GAS7: variants seen among roughly 807,000 people sequenced by gnomAD.
The protein encoded by GAS7 is growth arrest-specific protein 7.
Under a neutral mutation model 71.1 loss-of-function variants are expected in GAS7, and 28 were observed. That is an observed-to-expected ratio of 0.39 (90% CI 0.29 to 0.54). The LOEUF (loss-of-function observed/expected upper bound fraction) is 0.54, where lower values mean the gene tolerates loss of function less well. GAS7 is among the 20% of genes least tolerant of loss of function. GAS7 has a pLI of 0.62. For synonymous variants in GAS7, 258 were observed against 245.8 expected (o/e 1.05, Z -0.46); for missense variants, 436 against 627.8 (o/e 0.69, Z 3.27).
At chr17:10,040,120 C>T (rs1322535275) in intron 1 of GAS7, among the ~76,000 whole-genome samples, 2 of 152,120 alleles carry the variant, frequency 1.3e-5, no homozygotes, top group Non-Finnish European at 2.9e-5. Context: ...TCACTTAATC[C>T]CTCTAACAAA....
chr17:10,180,576 G>A (rs1314212204), intron 1 of GAS7, among the ~76,000 whole-genome samples: 1 of 151,990 alleles, frequency 6.6e-6, no homozygotes, highest in Non-Finnish European at 1.5e-5. Context: ...TTTCTCTCCA[G>A]CACGAAATAA....
intron 1 of GAS7, among the ~76,000 whole-genome samples, chr17:10,096,641 G>A (rs1366958417): frequency 1.3e-5 from 2 of 152,176 alleles, no homozygotes; most frequent in African/African-American, 4.8e-5. Flanking sequence ...AGTCAATTCA[G>A]AACCAGCACC....
At chr17:10,110,784 T>C (rs1046864695) in intron 1 of GAS7, among the ~76,000 whole-genome samples, 1 of 152,188 alleles carries the variant, frequency 6.6e-6, no homozygotes, top group African/African-American at 2.4e-5. Flanking sequence ...AAGATACAAG[T>C]TCTAAAGTTG....
chr17:10,096,765 C>T (rs906256812), intron 1 of GAS7, among the ~76,000 whole-genome samples: 2 of 152,248 alleles, frequency 1.3e-5, no homozygotes, highest in Non-Finnish European at 2.9e-5. Flanking sequence ...CAGCTTCCAA[C>T]GTGCAGCTCA....
At chr17:9,980,179 G>T (rs2070361629) in intron 3 of GAS7, among the ~76,000 whole-genome samples, 1 of 152,126 alleles carries the variant, frequency 6.6e-6, no homozygotes, top group Non-Finnish European at 1.5e-5. Context: ...TTTTCTAGAG[G>T]TAATATTTTC....
At chr17:9,948,060 G>C (rs576956581) in intron 5 of GAS7, among the ~76,000 whole-genome samples, 3 of 152,200 alleles carry the variant, frequency 2.0e-5, no homozygotes, top group African/African-American at 7.2e-5. Context: ...TAAGAATACA[G>C]TGTATAATAC....
intron 1 of GAS7, among the ~76,000 whole-genome samples, chr17:10,176,814 A>G (rs982177934): frequency 6.6e-6 from 1 of 152,104 alleles, no homozygotes; most frequent in Admixed American, 6.5e-5. Flanking sequence ...CAGCACTCCA[A>G]GATGACCTGG....
chr17:10,183,610 C>T (rs1196971831), intron 1 of GAS7, among the ~76,000 whole-genome samples: 1 of 152,154 alleles, frequency 6.6e-6, no homozygotes, highest in African/African-American at 2.4e-5. Flanking sequence ...GAGGCCGACA[C>T]GGGCGGATCA....
intron 1 of GAS7, among the ~76,000 whole-genome samples, chr17:10,043,133 A>G (rs2072897043): frequency 6.6e-6 from 1 of 152,160 alleles, no homozygotes; most frequent in Non-Finnish European, 1.5e-5. Context: ...CTCTTGCTTA[A>G]GCAGTGGGAG....
At chr17:9,983,197 T>C (rs1261540862) in intron 2 of GAS7, among the ~76,000 whole-genome samples, 1 of 152,220 alleles carries the variant, frequency 6.6e-6, no homozygotes, top group African/African-American at 2.4e-5. Context: ...GTGAATACCT[T>C]TCCAAAATCT....
intron 1 of GAS7, among the ~76,000 whole-genome samples, chr17:10,113,886 T>C (rs2073836707): frequency 6.6e-6 from 1 of 152,140 alleles, no homozygotes. Flanking sequence ...AGATATACTT[T>C]TGGGTATACA....
At chr17:10,150,869 G>A (rs1293356710) in intron 1 of GAS7, among the ~76,000 whole-genome samples, 1 of 152,056 alleles carries the variant, frequency 6.6e-6, no homozygotes, top group Non-Finnish European at 1.5e-5. Context: ...GATTACAGGC[G>A]TGAGCCACCG....
intron 1 of GAS7, among the ~76,000 whole-genome samples, chr17:10,049,494 G>T (rs1215936540): frequency 4.0e-5 from 6 of 151,108 alleles, no homozygotes; most frequent in Admixed American, 1.3e-4. Context: ...TCTTTGTATT[G>T]GGGGATTCTC....
intron 5 of GAS7, among the ~76,000 whole-genome samples, chr17:9,951,964 G>A (rs183339799): frequency 3.3e-5 from 5 of 152,020 alleles, no homozygotes; most frequent in South Asian, 4.2e-4. Flanking sequence ...ACTGCTAGCC[G>A]GAAGAGGAGA....
chr17:9,967,667 T>G (rs56324006), intron 4 of GAS7, among the ~76,000 whole-genome samples: 3,547 of 152,322 alleles, frequency 0.023, 133 homozygotes, highest in African/African-American at 0.073. Flanking sequence ...TATTGCATTT[T>G]CTTCAGAAGC....
chr17:10,124,264 G>A (rs1320330706), intron 1 of GAS7, among the ~76,000 whole-genome samples: 2 of 152,214 alleles, frequency 1.3e-5, no homozygotes, highest in African/African-American at 2.4e-5. Flanking sequence ...AGAGCCCAGT[G>A]CAAACTGCCC....
chr17:10,015,153 CAAAA>C (rs777458860), intron 2 of GAS7, among the ~76,000 whole-genome samples: 1 of 115,934 alleles, frequency 8.6e-6, no homozygotes, highest in South Asian at 2.6e-4. Flanking sequence ...GACTCTGTCT[CAAAA>C]AAAAAAGAAA....
At chr17:9,943,337 C>T (rs1325650513) in intron 6 of GAS7, 101 bp from the exon 7 acceptor site, 1 of 738,642 alleles carries the variant, frequency 1.4e-6, no homozygotes, top group Non-Finnish European at 2.5e-6. Context: ...GCCTGGCAAT[C>T]CCAGTCCAGC....
intron 1 of GAS7, among the ~76,000 whole-genome samples, chr17:10,056,288 AG>A (rs1171777048): frequency 6.6e-6 from 1 of 152,086 alleles, no homozygotes; most frequent in Non-Finnish European, 1.5e-5. Flanking sequence ...TGAGCCCAGG[AG>A]TTCGAAACCA....
Sources: allele counts gnomAD v4.1 joint callset (sites outside exome capture counted in the v4.1 genomes callset), GRCh38; gene constraint gnomAD v4.1.1; transcripts MANE v1.5; gene names NCBI Gene and HGNC (gene_info 2026-07-23, HGNC 2026-07-21).